The following HELZ2 variants were observed in gnomAD, a reference collection of about 807,000 sequenced individuals.
HELZ2 encodes helicase with zinc finger 2, also known as 3'-5' exoribonuclease HELZ2.
In HELZ2, 143 loss-of-function variants were observed where a neutral mutation model predicts 208.8. The ratio of observed to expected loss-of-function variants is 0.68; its 90% CI spans 0.60 to 0.79. The LOEUF is 0.79. Among genes scored for constraint, HELZ2 ranks in the 30% least tolerant of loss-of-function variants. The pLI, the probability that HELZ2 is intolerant of heterozygous loss-of-function variation, is 0.00. For synonymous variants in HELZ2, 1,705 were observed against 1,693.7 expected (o/e 1.01, Z -0.16); for missense variants, 3,690 against 3,794.5 (o/e 0.97, Z 0.72).
intron 7 of HELZ2, 65 bp downstream of exon 8, chr20:63,566,313 A>C (rs2082956519): frequency 6.6e-7 from 1 of 1,516,286 alleles, no homozygotes. Context: ...CAGGCTGAGG[A>C]GTGGGCCGAG....
rs757998203 is a variant in HELZ2, at chr20:63,568,847, G to A, written c.1241C>T (p.Ala414Val). 1.6e-5 allele frequency: 26 copies of A among 1,612,078 alleles called. No individual in the cohort carries two copies. The highest frequency in any genetic ancestry group is 1.1e-4 in the African/African-American group (8 of 74,908). The change falls in exon 5 of 19, where the codon GCG becomes GTG. Residue 414 changes from alanine to valine, a missense_variant. Ala to Val is a moderately conservative substitution (Grantham distance 64, BLOSUM62 0). Transcript: ENST00000467148. ...AGGGGCCACCAGGGCTGTGCTGACC[G>A]CCCGGCCCAGCAGGAAGCCCTGGTC...
Position 63,566,466 on chromosome 20 carries a change from C to A in HELZ2, c.2515-13G>T. 6.5e-7 allele frequency: 1 copy of A among 1,547,574 alleles called. No homozygotes were observed. Among genetic ancestry groups the A allele is most frequent in the Admixed American group, 2.0e-5 (1 of 50,930 alleles). On this transcript the variant is annotated splice_polypyrimidine_tract_variant and intron_variant, in intron 6 of 18. Coordinates refer to ENST00000467148, the Ensembl canonical transcript of HELZ2. ...TCAGTGCACTGACCTGAAGACGCAG[C>A]AGGGCCGGGGATGAGTGCTGGACGC...
upstream of HELZ2, chr20:63,572,512 T>C (rs2083025479): frequency 9.5e-7 from 1 of 1,057,010 alleles, no homozygotes; most frequent in East Asian, 2.7e-5. Context: ...CCACAAACTG[T>C]TGCTTGCGGC....
exon 4 of HELZ2, chr20:63,569,585 G>C (rs767750346): frequency 3.2e-6 from 5 of 1,580,218 alleles, no homozygotes; most frequent in Admixed American, 3.6e-5. Context: ...CGTAGAGCCG[G>C]CCTGGCGGGA....
chr20:63,563,833 C>T (rs2082916881), exon 8 of HELZ2: 1 of 1,598,022 alleles, frequency 6.3e-7, no homozygotes. Flanking sequence ...AGTCCACCTG[C>T]AGCGAGTAGT....
At chr20:63,565,909 C>T (rs777694555) in exon 8 of HELZ2, 43 of 1,597,256 alleles carry the variant, frequency 2.7e-5, no homozygotes, top group African/African-American at 1.9e-4. Context: ...CCCAGTTCCC[C>T]GCTGCCCCAG....
At chr20:63,566,398 C>T (rs988804662) in exon 7 of HELZ2, 6 of 1,548,362 alleles carry the variant, frequency 3.9e-6, no homozygotes, top group Non-Finnish European at 5.2e-6. Context: ...CTCAAAACTG[C>T]CGACAGACAC....
chr20:63,569,718 C>G (rs1277821887), intron 3 of HELZ2, 53 bp from the exon 5 acceptor site: 6 of 1,447,986 alleles, frequency 4.1e-6, no homozygotes, highest in African/African-American at 2.9e-5. Context: ...CCAACCCTCC[C>G]GAGAGGCAGC....
At chr20:63,566,157 G>A in exon 8 of HELZ2, 1 of 1,555,012 alleles carries the variant, frequency 6.4e-7, no homozygotes, top group South Asian at 1.2e-5. Flanking sequence ...AAGAACTCAG[G>A]GGCCAGTGCC....
downstream of HELZ2, chr20:63,559,145 A>G (rs559396284): frequency 8.0e-7 from 1 of 1,244,554 alleles, no homozygotes; most frequent in Non-Finnish European, 1.1e-6. Context: ...GCCAGGAGGC[A>G]GGCTGGCCCA....
chr20:63,569,107 T>C lies in HELZ2; in HGVS notation c.1088+41A>G, dbSNP rs377446622. The stretch of plus-strand genomic sequence containing the variant: ...CCCCAGCCGCTCCCATTGCCCCAGC[T>C]GCTCCTGCTACCCCAGCTGCTCCTG... On this transcript the variant is annotated intron_variant, in intron 4 of 18. Coordinates refer to ENST00000467148, the Ensembl canonical transcript of HELZ2. 832 of 1,581,098 alleles carry C rather than the reference T, an allele frequency of 5.3e-4. 5 individuals carry two copies. The African/African-American group carries it at 9.5e-3, about 18-fold the overall frequency.
chr20:63,562,615 G>T (rs764192471), exon 8 of HELZ2: 1 of 1,593,644 alleles, frequency 6.3e-7, no homozygotes, highest in Admixed American at 1.7e-5. Flanking sequence ...TGTGGTGGAC[G>T]AAGAGGTGCA....
exon 9 of HELZ2, chr20:63,562,315 G>A (rs760472367): frequency 2.3e-5 from 37 of 1,598,624 alleles, no homozygotes; most frequent in African/African-American, 2.7e-5. Context: ...GGGACAGGCC[G>A]GCCCAGTGCG....
exon 8 of HELZ2, chr20:63,563,942 A>G (rs966519343): frequency 1.3e-6 from 2 of 1,594,702 alleles, no homozygotes; most frequent in South Asian, 1.1e-5. Context: ...GAATGGGTGC[A>G]TGTCGTCCGT....
chr20:63,567,799 G>A (rs2082979129), intron 5 of HELZ2, 172 bp from the exon 7 acceptor site: 5 of 1,411,214 alleles, frequency 3.5e-6, no homozygotes, highest in African/African-American at 1.4e-5. Flanking sequence ...GGGGCAAGAG[G>A]CCACGGAGGG....
chr20:63,561,462 T>G, exon 13 of HELZ2: 1 of 1,607,162 alleles, frequency 6.2e-7, no homozygotes, highest in South Asian at 1.1e-5. Flanking sequence ...TGCAGGGTGA[T>G]GCTCCTGGGG....
At chr20:63,559,839 G>C (rs1237131461) in intron 18 of HELZ2, 89 bp downstream of exon 19, 2 of 1,448,426 alleles carry the variant, frequency 1.4e-6, no homozygotes, top group Non-Finnish European at 1.9e-6. Flanking sequence ...TCAGGTCGGA[G>C]TCAGGGTCAG....
chr20:63,563,198 C>G, exon 8 of HELZ2: 1 of 1,585,446 alleles, frequency 6.3e-7, no homozygotes, highest in Non-Finnish European at 8.5e-7. Context: ...GCCCAGCTCC[C>G]GGGCCACCTC....
chr20:63,559,807 G>C, intron 18 of HELZ2, 121 bp downstream of exon 19: 1 of 814,664 alleles, frequency 1.2e-6, no homozygotes, highest in Non-Finnish European at 1.9e-6. Context: ...GAGGAGTCAG[G>C]GTCAGGTGGG....
Sources: allele counts gnomAD v4.1 joint callset, GRCh38; gene constraint gnomAD v4.1.1; transcripts MANE v1.5; gene names NCBI Gene and HGNC (gene_info 2026-07-23, HGNC 2026-07-21).